The following SLC7A2 variants were observed in gnomAD, a reference collection of about 807,000 sequenced individuals.
The protein encoded by SLC7A2 is cationic amino acid transporter 2.
A neutral mutation model predicts 58.9 loss-of-function variants in SLC7A2; 48 were observed. The observed-to-expected ratio is 0.82, with a 90% CI of 0.65 to 1.04. The LOEUF is 1.04. SLC7A2 is among the 50% of genes least tolerant of loss of function. The pLI is 0.00. For missense variants in SLC7A2, 1,029 were observed against 818.8 expected (o/e 1.26, Z -3.13); for synonymous variants, 363 against 314.5 (o/e 1.15, Z -1.63).
rs1008835195 is a variant in SLC7A2 at position 17,567,584 on chromosome 8, G to T, written c.*2438G>T. ...TGAGTGTATATATATATCTGTGTGT[G>T]TGTATCTCTAACGTCAGTGTATAAG... On this transcript the variant is annotated 3_prime_UTR_variant, in exon 13 of 13. Coordinates refer to ENST00000494857, the MANE Select transcript of SLC7A2 (RefSeq NM_001370338.1). The T allele has an allele frequency of 2.0e-5, 3 of 152,578 alleles. No individual in the cohort carries two copies. Among genetic ancestry groups the T allele is most frequent in the African/African-American group, 7.2e-5 (3 of 41,434 alleles). The allele number at this position is 152,578 out of a possible 1,614,324, so 9.5% of individuals were successfully genotyped here.
chr8:17,523,467 A>G (rs1447506295), intron 2 of SLC7A2, among the ~76,000 whole-genome samples: 5 of 152,208 alleles, frequency 3.3e-5, no homozygotes, highest in Admixed American at 3.3e-4. Flanking sequence ...CCAAATATTT[A>G]CAGCCAACTA....
At chr8:17,539,737 A>G (rs932912751) in intron 2 of SLC7A2, among the ~76,000 whole-genome samples, 1 of 152,126 alleles carries the variant, frequency 6.6e-6, no homozygotes, top group Non-Finnish European at 1.5e-5. Context: ...AATAACTGAC[A>G]ATGGTTACAA....
At chr8:17,511,652 ATACTT>A (rs1800609087) in intron 2 of SLC7A2, among the ~76,000 whole-genome samples, 1 of 152,244 alleles carries the variant, frequency 6.6e-6, no homozygotes, top group African/African-American at 2.4e-5. Flanking sequence ...CATATTGACT[ATACTT>A]TAAAAAAGCT....
chr8:17,511,484 G>A (rs951580896), intron 2 of SLC7A2, among the ~76,000 whole-genome samples: 1 of 152,166 alleles, frequency 6.6e-6, no homozygotes, highest in African/African-American at 2.4e-5. Context: ...GGAGGGCTCA[G>A]TGCTTGATTT....
rs757815275 is a variant in SLC7A2 at position 17,543,655 on chromosome 8, A to G, written c.316A>G (p.Thr106Ala). ...GTCTGCATATTTGTACACCTACGTGACTGTCGGAGAGCTGTGGGCCTTCAT... is the reference window on the plus strand; with the variant it reads ...GTCTGCATATTTGTACACCTACGTGGCTGTCGGAGAGCTGTGGGCCTTCAT... ...TGSAYLYTYV[T>A]VGELWAFITG... Residue 106 changes from threonine (T) to alanine (A), a missense_variant, in exon 3 of 13, where the codon ACT (threonine) becomes GCT (alanine). Transcript: ENST00000494857. The G allele has an allele frequency of 6.5e-7, 1 of 1,547,192 alleles. No homozygotes were observed. Among genetic ancestry groups the G allele is most frequent in the Non-Finnish European group, 8.7e-7 (1 of 1,148,302 alleles).
chr8:17,551,806 T>A lies in SLC7A2; in HGVS notation c.875T>A (p.Ile292Asn), dbSNP rs916344448. ...CCCCAGAAAGCTATTCCCATTGGAA[T>A]TGTGACGTCTTTGCTTGTTTGCTTT... ...RNPQKAIPIG[I>N]VTSLLVCFMA... Residue 292 changes from isoleucine to asparagine, a missense_variant, in exon 7 of 13, where the codon ATT becomes AAT. Transcript: ENST00000494857. The A allele has an allele frequency of 3.7e-6, 6 of 1,613,924 alleles. No individual in the cohort carries two copies. The highest frequency in any genetic ancestry group is 5.1e-6 in the Non-Finnish European group (6 of 1,180,014).
intron 9 of SLC7A2, 120 bp downstream of exon 9, chr8:17,558,517 C>G (rs1802815192): frequency 1.8e-6 from 1 of 561,708 alleles, no homozygotes; most frequent in Admixed American, 3.4e-5. Flanking sequence ...TGAGAGGTCA[C>G]ATCTAACAAA....
At chr8:17,549,808 A>G (rs1802360322) in intron 5 of SLC7A2, among the ~76,000 whole-genome samples, 2 of 152,304 alleles carry the variant, frequency 1.3e-5, no homozygotes, top group Admixed American at 6.5e-5. Context: ...CATATAATAA[A>G]ATATTCAATT....
At chr8:17,522,724 C>G (rs1801064557) in intron 2 of SLC7A2, among the ~76,000 whole-genome samples, 1 of 122,754 alleles carries the variant, frequency 8.1e-6, no homozygotes, top group African/African-American at 2.7e-5. Context: ...TTTGTGACTT[C>G]TAGGAAGTAC....
At chr8:17,507,213 G>T (rs574096728) in intron 2 of SLC7A2, among the ~76,000 whole-genome samples, 1 of 152,114 alleles carries the variant, frequency 6.6e-6, no homozygotes, top group Non-Finnish European at 1.5e-5. Context: ...ACAAAGTGCT[G>T]CGATTACAGG....
At chr8:17,548,302 C>CT (rs1370806267) in intron 4 of SLC7A2, among the ~76,000 whole-genome samples, 1 of 152,216 alleles carries the variant, frequency 6.6e-6, no homozygotes, top group Non-Finnish European at 1.5e-5. Flanking sequence ...GATCATACCA[C>CT]TGCACTTCTG....
Position 17,567,477 on chromosome 8 carries a change from G to T in SLC7A2, c.*2331G>T, listed in dbSNP as rs1464440351. 6.6e-6 allele frequency: 1 copy of T among 152,560 alleles called. No individual in the cohort carries two copies. Among genetic ancestry groups the T allele is most frequent in the Non-Finnish European group, 1.5e-5 (1 of 68,012 alleles). 9.5% of individuals were successfully genotyped at this position (152,560 alleles called of 1,614,324 possible). ...ACAAATATCTATGAAAAGATGCTTT[G>T]TCAGCCACTGTGCCTTTTTTTCTGT... On this transcript the variant is annotated 3_prime_UTR_variant, in exon 13 of 13. Coordinates refer to ENST00000494857, the MANE Select transcript of SLC7A2 (RefSeq NM_001370338.1).
At chr8:17,496,345 T>C (rs545612667), upstream of SLC7A2, among the ~76,000 whole-genome samples, 5 of 152,070 alleles carry the variant, frequency 3.3e-5, no homozygotes, top group East Asian at 3.9e-4. Context: ...CACACACATA[T>C]ACACACACAC....
Position 17,544,604 on chromosome 8 carries a change from C to T in SLC7A2, c.530C>T (p.Ala177Val). 1 of 1,613,194 alleles carries T rather than the reference C, an allele frequency of 6.2e-7. No individual in the cohort carries two copies. Among genetic ancestry groups the T allele is most frequent in the Non-Finnish European group, 8.5e-7 (1 of 1,179,470 alleles). ...GCTGTGTGCCTTATATTACTTCTAG[C>T]AGGTAAGAAAACCAGTTATGAGTCT... is the stretch of plus-strand genomic sequence containing the variant. Reference protein sequence around the residue: ...FFAVCLILLLAGLLSFGVKES... With the variant: ...FFAVCLILLLVGLLSFGVKES... The change falls in exon 4 of 13, where the codon GCA becomes GTA. Residue 177 changes from alanine to valine, a missense_variant and splice_region_variant. Transcript: ENST00000494857.
chr8:17,532,258 AACC>A (rs1801490944), intron 2 of SLC7A2, among the ~76,000 whole-genome samples: 3 of 37,050 alleles, frequency 8.1e-5, no homozygotes, highest in African/African-American at 1.1e-4. Context: ...AAAAAAAAAA[AACC>A]CCAGCAATTC....
At chr8:17,545,767 TA>T (rs1227827038) in intron 4 of SLC7A2, among the ~76,000 whole-genome samples, 9 of 152,066 alleles carry the variant, frequency 5.9e-5, no homozygotes, top group Non-Finnish European at 5.9e-5. Context: ...GCCCTAAGAG[TA>T]AAAACCATGT....
Position 17,550,437 on chromosome 8 carries a change from A to G in SLC7A2, c.832+3A>G, listed in dbSNP as rs1470066722. 1 of 1,612,900 alleles carries G rather than the reference A, an allele frequency of 6.2e-7. No individual in the cohort carries two copies. On this transcript the variant is annotated splice_donor_region_variant and intron_variant, in intron 6 of 12. Transcript: ENST00000494857. The stretch of plus-strand genomic sequence containing the variant: ...ATTTGACTGCATTGCAACAACTGGT[A>G]AGAGCAGTGTCTTGGCTCAGTGTAG...
Position 17,551,891 on chromosome 8 carries a change from T to A in SLC7A2, c.960T>A (p.Asp320Glu). The A allele has an allele frequency of 6.2e-7, 1 of 1,613,966 alleles. No homozygotes were observed. ...TTATGATGCCGTACTACCTCCTCGA[T>A]GAAAAAAGCCCCCTTCCTGTAGCGT... ...LTLMMPYYLL[D>E]EKSPLPVAFE... The change falls in exon 7 of 13, where the codon GAT becomes GAA. Residue 320 changes from aspartate (D) to glutamate (E), a missense_variant. Asp to Glu is a conservative substitution (Grantham distance 45). Coordinates refer to ENST00000494857, the MANE Select transcript of SLC7A2 (RefSeq NM_001370338.1).
intron 12 of SLC7A2, among the ~76,000 whole-genome samples, chr8:17,564,714 G>T (rs1267275612): frequency 1.3e-5 from 2 of 152,132 alleles, no homozygotes; most frequent in Non-Finnish European, 2.9e-5. Context: ...TGTTCACAAT[G>T]GGGAGTGGCT....
Sources: allele counts gnomAD v4.1 joint callset (sites outside exome capture counted in the v4.1 genomes callset), GRCh38; gene constraint gnomAD v4.1.1; transcripts MANE v1.5; gene names NCBI Gene and HGNC (gene_info 2026-07-23, HGNC 2026-07-21).